Variants in SLC25A13 observed in about 807,000 individuals in gnomAD.
The protein encoded by SLC25A13 is solute carrier family 25 member 13.
Under a neutral mutation model 85.5 loss-of-function variants are expected in SLC25A13, and 70 were observed. That is an observed-to-expected ratio of 0.82 (90% CI 0.68 to 1.00). The LOEUF is 1.00. Among genes scored for constraint, SLC25A13 ranks in the 50% least tolerant of loss-of-function variants. SLC25A13 has a pLI of 0.00. For missense variants in SLC25A13, 765 were observed against 819.8 expected (o/e 0.93, Z 0.82); for synonymous variants, 259 against 288.7 (o/e 0.90, Z 1.04).
At chr7:96,248,275 C>A (rs1797280369) in intron 3 of SLC25A13, among the ~76,000 whole-genome samples, 1 of 152,146 alleles carries the variant, frequency 6.6e-6, no homozygotes. Flanking sequence ...AATGGCACTA[C>A]TACCCGAATT....
At chr7:96,270,748 C>T (rs1362829966) in intron 3 of SLC25A13, among the ~76,000 whole-genome samples, 1 of 151,932 alleles carries the variant, frequency 6.6e-6, no homozygotes, top group Non-Finnish European at 1.5e-5. Context: ...AACAAATTCC[C>T]ATAATAACAC....
intron 2 of SLC25A13, chr7:96,283,422 T>TA: frequency 4.7e-6 from 2 of 422,564 alleles, no homozygotes; most frequent in Non-Finnish European, 9.4e-6. Context: ...TTAGAAAACA[T>TA]AGAGTTGTTC....
intron 3 of SLC25A13, among the ~76,000 whole-genome samples, chr7:96,265,617 A>G (rs1005387050): frequency 1.3e-5 from 2 of 152,212 alleles, no homozygotes; most frequent in Admixed American, 6.5e-5. Flanking sequence ...ATTTAATAAA[A>G]TCAATGATTT....
chr7:96,307,829 C>G (rs1199695208), intron 1 of SLC25A13, among the ~76,000 whole-genome samples: 1 of 152,100 alleles, frequency 6.6e-6, no homozygotes, highest in Non-Finnish European at 1.5e-5. Context: ...TTTCCTATTT[C>G]ATGAGCTTTG....
At chr7:96,134,816 C>G (rs13230949) in intron 14 of SLC25A13, among the ~76,000 whole-genome samples, 6,339 of 72,162 alleles carry the variant, frequency 0.088, 321 homozygotes, top group East Asian at 0.24. Context: ...TATATATAAC[C>G]CTGAGGAAAG....
At chr7:96,138,527 C>T (rs1217999908) in intron 14 of SLC25A13, among the ~76,000 whole-genome samples, 1 of 151,850 alleles carries the variant, frequency 6.6e-6, no homozygotes, top group African/African-American at 2.4e-5. Context: ...TCCCAAGTAG[C>T]TGGGACTACA....
chr7:96,200,553 C>T (rs999678891), intron 5 of SLC25A13, among the ~76,000 whole-genome samples: 9 of 151,986 alleles, frequency 5.9e-5, no homozygotes, highest in African/African-American at 2.4e-5. Flanking sequence ...CCCCACCCCC[C>T]ATTTGGCCAT....
At chr7:96,238,981 G>C (rs1008576518) in intron 3 of SLC25A13, among the ~76,000 whole-genome samples, 2 of 145,022 alleles carry the variant, frequency 1.4e-5, no homozygotes, top group African/African-American at 5.1e-5. Flanking sequence ...CATATGCAAA[G>C]CTTATAATAT....
At chr7:96,321,223 CTT>C (rs1245482229) in intron 1 of SLC25A13, among the ~76,000 whole-genome samples, 1 of 152,142 alleles carries the variant, frequency 6.6e-6, no homozygotes, top group Non-Finnish European at 1.5e-5. Flanking sequence ...CACAGAACCC[CTT>C]TCAAGTACAA....
At chr7:96,317,664 C>T (rs1800179474) in intron 1 of SLC25A13, among the ~76,000 whole-genome samples, 1 of 152,088 alleles carries the variant, frequency 6.6e-6, no homozygotes, top group Non-Finnish European at 1.5e-5. Context: ...ACTGCTCCCA[C>T]AAACCTTGTA....
chr7:96,277,205 G>A lies in SLC25A13; in HGVS notation c.203C>T (p.Thr68Ile). Residue 68 changes from threonine to isoleucine, a missense_variant, in exon 3 of 18, where the codon ACC becomes ATC. Transcript: ENST00000265631. The stretch of plus-strand genomic sequence containing the variant: ...TTAAAAATAAACATACCCATCTTTG[G>A]TCTGATCCACCACTCCACTTAAAAG... The part of the protein sequence containing the change: ...VELLSGVVDQ[T>I]KDGLISFQEF... 1.3e-6 allele frequency: 2 copies of A among 1,591,834 alleles called. No individual in the cohort carries two copies. Among genetic ancestry groups the A allele is most frequent in the South Asian group, 1.1e-5 (1 of 88,174 alleles).
chr7:96,289,663 TG>T (rs2116975664), intron 2 of SLC25A13, among the ~76,000 whole-genome samples: 1 of 152,132 alleles, frequency 6.6e-6, no homozygotes, highest in African/African-American at 2.4e-5. Context: ...GTATCAGTGA[TG>T]GAAGATCAAA....
At chr7:96,314,647 C>G (rs1159575802) in intron 1 of SLC25A13, among the ~76,000 whole-genome samples, 1 of 152,092 alleles carries the variant, frequency 6.6e-6, no homozygotes. Context: ...GCAGGAATGC[C>G]ATAATAGATA....
At chr7:96,225,923 T>A (rs1411505877) in intron 4 of SLC25A13, among the ~76,000 whole-genome samples, 1 of 152,152 alleles carries the variant, frequency 6.6e-6, no homozygotes, top group Non-Finnish European at 1.5e-5. Flanking sequence ...AAATGGCTAT[T>A]ATTTTCTGCC....
intron 11 of SLC25A13, among the ~76,000 whole-genome samples, chr7:96,173,570 GT>G (rs1469989524): frequency 6.6e-6 from 1 of 152,102 alleles, no homozygotes; most frequent in African/African-American, 2.4e-5. Context: ...GCTTCTTTTT[GT>G]TTTTTCTCAT....
At chr7:96,278,544 GC>G (rs1798545958) in intron 2 of SLC25A13, among the ~76,000 whole-genome samples, 1 of 152,156 alleles carries the variant, frequency 6.6e-6, no homozygotes, top group Non-Finnish European at 1.5e-5. Context: ...AGTAACTAAA[GC>G]TTTTGGTACC....
chr7:96,304,919 G>A (rs964672458), intron 1 of SLC25A13, among the ~76,000 whole-genome samples: 28 of 152,198 alleles, frequency 1.8e-4, no homozygotes, highest in African/African-American at 6.5e-4. Context: ...CAGAGTGGCA[G>A]GAGAATTAAT....
chr7:96,155,758 C>T (rs535125657), intron 13 of SLC25A13, among the ~76,000 whole-genome samples: 7 of 152,312 alleles, frequency 4.6e-5, no homozygotes, highest in African/African-American at 1.2e-4. Context: ...GAGCCAGACA[C>T]GTGTCAAGCA....
At chr7:96,309,557 T>A (rs947209426) in intron 1 of SLC25A13, 3 of 152,166 alleles carry the variant, frequency 2.0e-5, no homozygotes, top group Non-Finnish European at 4.4e-5. Context: ...AAAATCTCCT[T>A]CCCCCTTTAC....
Sources: gnomAD v4.1 joint callset for allele counts (sites outside exome capture counted in the v4.1 genomes callset) on GRCh38, gnomAD v4.1.1 for gene constraint, MANE v1.5 for transcripts, NCBI Gene and HGNC (gene_info 2026-07-23, HGNC 2026-07-21) for gene names.